Variants in CACNA1D observed in about 807,000 individuals in gnomAD.
CACNA1D encodes voltage-dependent L-type calcium channel subunit alpha-1D.
In CACNA1D, 55 loss-of-function variants were observed where a neutral mutation model predicts 257.1. The observed-to-expected ratio is 0.21, with a 90% confidence interval of 0.17 to 0.27. The LOEUF is 0.27. Among genes scored for constraint, CACNA1D ranks in the 10% least tolerant of loss-of-function variants. The probability of loss-of-function intolerance (pLI) is 1.00; values close to 1 mark genes in which losing one functional copy is unlikely to be tolerated. For synonymous variants in CACNA1D, 980 were observed against 1,014.9 expected (o/e 0.97, Z 0.65); for missense variants, 1,876 against 2,784.0 (o/e 0.67, Z 7.34).
chr3:53,747,230 T>C (rs2095178367), intron 25 of CACNA1D, 72 bp from the exon 26 acceptor site: 2 of 1,327,898 alleles, frequency 1.5e-6, no homozygotes, highest in Admixed American at 1.7e-5. Flanking sequence ...ATTGGGGCAG[T>C]GTGTCCAACT....
At chr3:53,598,385 A>T (rs1194901545) in intron 3 of CACNA1D, among the ~76,000 whole-genome samples, 1 of 151,638 alleles carries the variant, frequency 6.6e-6, no homozygotes, top group Non-Finnish European at 1.5e-5. Flanking sequence ...AGACCAGCCT[A>T]ACCAACATGG....
chr3:53,733,301 G>T (rs1450851795), intron 19 of CACNA1D, among the ~76,000 whole-genome samples: 2 of 152,222 alleles, frequency 1.3e-5, no homozygotes, highest in Non-Finnish European at 2.9e-5. Context: ...GGAGCTCACT[G>T]CTCTGGTGTT....
intron 3 of CACNA1D, among the ~76,000 whole-genome samples, chr3:53,559,333 T>A (rs1307539508): frequency 1.3e-5 from 2 of 152,220 alleles, no homozygotes. Context: ...GGGGTTGGTG[T>A]CTTTTGATTG....
intron 3 of CACNA1D, among the ~76,000 whole-genome samples, chr3:53,507,794 C>T (rs538794000): frequency 6.6e-6 from 1 of 152,068 alleles, no homozygotes; most frequent in African/African-American, 2.4e-5. Flanking sequence ...AGTGAGACTA[C>T]CTTAGGGTGA....
chr3:53,688,298 G>C lies in CACNA1D; in HGVS notation c.1221-14343G>C, dbSNP rs77113569. On this transcript the variant is annotated intron_variant, in intron 8 of 47. Transcript: ENST00000350061. ...GGTCTCTGCTGGCTGAGGGATTACT[G>C]GTTTCTCTGTTGTAGTGAGGGGAGC... Among the ~76,000 whole-genome samples the C allele has an allele frequency of 4.2e-3, 647 of 152,318 alleles. 24 individuals are homozygous for C. The East Asian group carries it at 0.085, about 20-fold the overall frequency.
intron 8 of CACNA1D, among the ~76,000 whole-genome samples, chr3:53,682,627 G>T (rs2094443547): frequency 1.3e-5 from 2 of 151,884 alleles, no homozygotes; most frequent in African/African-American, 4.8e-5. Flanking sequence ...TAGGCATATG[G>T]GTGTTCATTG....
At position 53,805,134 on chromosome 3, in the gene CACNA1D, C is replaced by G. The variant is rs767397315; in HGVS notation, c.5737C>G (p.Pro1913Ala). Residue 1913 changes from proline (P) to alanine (A), a missense_variant, in exon 45 of 48, where the codon CCC becomes GCC. Physicochemically the swap from Pro to Ala is conservative, Grantham distance 27 (BLOSUM62 -1). Around this residue, in one of 10 missense-constraint regions of CACNA1D, gnomAD observed 491 missense variants for 554.3 expected, o/e 0.89. Transcript: ENST00000350061. The stretch of plus-strand genomic sequence containing the variant: ...ATCTCCAAGGAGACGCCTACTACCT[C>G]CCACCCCAGCATGTGAGGCCAGATT... ...RRSPRRRLLP[P>A]TPASHRRSSF... 3 of 1,613,882 alleles carry G rather than the reference C, an allele frequency of 1.9e-6. No individual in the cohort carries two copies. The highest frequency in any genetic ancestry group is 2.5e-6 in the Non-Finnish European group (3 of 1,180,008).
chr3:53,546,185 C>T (rs142730101), intron 3 of CACNA1D, among the ~76,000 whole-genome samples: 457 of 152,320 alleles, frequency 3.0e-3, no homozygotes, highest in African/African-American at 0.01. Flanking sequence ...GTCGCCGTGT[C>T]AGCTGAGCTT....
intron 3 of CACNA1D, among the ~76,000 whole-genome samples, chr3:53,639,384 C>T (rs1305942470): frequency 1.3e-5 from 2 of 151,704 alleles, no homozygotes; most frequent in Admixed American, 1.3e-4. Flanking sequence ...ATTTCTCTCT[C>T]TCTCTCTTTT....
Position 53,772,843 on chromosome 3 carries a change from A to T in CACNA1D, c.4055A>T (p.Tyr1352Phe). The T allele has an allele frequency of 6.2e-7, 1 of 1,613,906 alleles. No homozygotes were observed. ...CCTTTTCTCTCCCAGGCGCTCCCGTATGTGGCCCTCCTCATAGCCATGCTG... is the reference window on the plus strand; with the variant it reads ...CCTTTTCTCTCCCAGGCGCTCCCGTTTGTGGCCCTCCTCATAGCCATGCTG... ...TFIKSFQALPYVALLIAMLFF... is the reference protein window; with the variant it reads ...TFIKSFQALPFVALLIAMLFF... Residue 1352 changes from tyrosine to phenylalanine, a missense_variant, in exon 33 of 48, where the codon TAT (tyrosine) becomes TTT (phenylalanine). Tyr to Phe is a conservative substitution (Grantham distance 22). Transcript: ENST00000350061.
chr3:53,631,888 T>C (rs936130787), intron 3 of CACNA1D, among the ~76,000 whole-genome samples: 1 of 152,326 alleles, frequency 6.6e-6, no homozygotes, highest in Admixed American at 6.5e-5. Flanking sequence ...GCTTGAAATA[T>C]TCAGTCAGCT....
intron 3 of CACNA1D, among the ~76,000 whole-genome samples, chr3:53,510,315 A>G (rs1161171517): frequency 6.6e-6 from 1 of 152,202 alleles, no homozygotes; most frequent in African/African-American, 2.4e-5. Flanking sequence ...ATTTCGTGCA[A>G]GTGGGAACAT....
intron 3 of CACNA1D, among the ~76,000 whole-genome samples, chr3:53,546,057 G>A (rs576183607): frequency 6.6e-6 from 1 of 152,192 alleles, no homozygotes; most frequent in African/African-American, 2.4e-5. Flanking sequence ...GTGGATGGGG[G>A]AAGGAGAAGT....
intron 3 of CACNA1D, among the ~76,000 whole-genome samples, chr3:53,543,164 A>G (rs1559816494): frequency 6.6e-6 from 1 of 152,094 alleles, no homozygotes; most frequent in Non-Finnish European, 1.5e-5. Flanking sequence ...GAAGAAGTCA[A>G]TCGGTACCAT....
chr3:53,662,608 C>A (rs1370580695), intron 5 of CACNA1D, among the ~76,000 whole-genome samples: 2 of 151,996 alleles, frequency 1.3e-5, no homozygotes, highest in African/African-American at 2.4e-5. Context: ...TAGTGAGTAG[C>A]CAGACAGAAC....
intron 8 of CACNA1D, among the ~76,000 whole-genome samples, chr3:53,693,984 G>A (rs1189701117): frequency 6.6e-6 from 1 of 152,184 alleles, no homozygotes; most frequent in East Asian, 1.9e-4. Context: ...TATTTTATGG[G>A]ACGTTTAAGA....
In CACNA1D at chr3:53,789,209, A is replaced by G. The variant is rs3774603; in HGVS notation, c.4923+2257A>G. On this transcript the variant is annotated intron_variant, in intron 40 of 47. Transcript: ENST00000350061. The surrounding 1 kb of genome is among the most constrained non-coding windows in gnomAD (Gnocchi z 4.2). ...AAACATTTCCAGTTAGATGATACCA[A>G]CATATTTTCGCATGGCTCCATTGGG... 5.6e-4 allele frequency among the ~76,000 whole-genome samples: 85 copies of G among 152,364 alleles called. No individual in the cohort carries two copies. The East Asian group carries it at 0.016, about 28-fold the overall frequency.
At chr3:53,561,566 A>G (rs975034354) in intron 3 of CACNA1D, among the ~76,000 whole-genome samples, 1 of 152,166 alleles carries the variant, frequency 6.6e-6, no homozygotes, top group Admixed American at 6.5e-5. Context: ...TCCTGGGACC[A>G]TGTGTGATGG....
chr3:53,810,037 G>A lies in CACNA1D; in HGVS notation c.5931G>A (p.Ser1977=), dbSNP rs766699734. Residue 1977 remains serine (S), a synonymous_variant, in exon 47 of 48, where the codon TCG becomes TCA. Coordinates refer to ENST00000350061, the MANE Select transcript of CACNA1D (RefSeq NM_001128840.3). ...SKAQKYSPSH[S]TRSWATPPAT... ...CCCAGAAGTACTCACCGAGTCACTC[G>A]ACCCGGTCGTGGGCCACCCCTCCAG... 9 of 1,613,762 alleles carry A rather than the reference G, an allele frequency of 5.6e-6. No homozygotes were observed. The highest frequency in any genetic ancestry group is 2.2e-5 in the East Asian group (1 of 44,880).
Sources: gnomAD v4.1 joint callset for allele counts (sites outside exome capture counted in the v4.1 genomes callset) on GRCh38, gnomAD v4.1.1 for gene constraint, gnomAD v4.1.1 regional missense constraint, Gnocchi (gnomAD v3.1) non-coding constraint, MANE v1.5 for transcripts, NCBI Gene and HGNC (gene_info 2026-07-23, HGNC 2026-07-21) for gene names.